SRGAP3: variants seen among roughly 807,000 people sequenced by gnomAD.
The protein encoded by SRGAP3 is SLIT-ROBO Rho GTPase-activating protein 3.
In SRGAP3, 39 loss-of-function variants were observed where a neutral mutation model predicts 121.1. That is an observed-to-expected ratio of 0.32 (90% confidence interval 0.25 to 0.42). The LOEUF is 0.42. Among genes scored for constraint, SRGAP3 ranks in the 10% least tolerant of loss-of-function variants. SRGAP3 has a pLI of 1.00. For missense variants in SRGAP3, 1,213 were observed against 1,470.6 expected (o/e 0.82, Z 2.86); for synonymous variants, 601 against 570.0 (o/e 1.05, Z -0.77).
At chr3:8,993,123 T>C in intron 19 of SRGAP3, 68 bp from the exon 20 acceptor site, 1 of 1,602,806 alleles carries the variant, frequency 6.2e-7, no homozygotes, top group Non-Finnish European at 8.5e-7. Flanking sequence ...CAGAGCTCCC[T>C]GATATGTGTC....
In SRGAP3 at chr3:9,104,861, C is replaced by A. The variant is rs748793173; in HGVS notation, c.261-19G>T. On this transcript the variant is annotated intron_variant, in intron 2 of 21. Coordinates refer to ENST00000383836, the MANE Select transcript of SRGAP3 (RefSeq NM_014850.4). ...GTCCTTCCTGTGGAAACCAAGAAAG[C>A]TCAGGTTGGCTACATTGGAACTGTC... is the stretch of plus-strand genomic sequence containing the variant. The A allele has an allele frequency of 6.2e-7, 1 of 1,614,054 alleles. No individual in the cohort carries two copies. Among genetic ancestry groups the A allele is most frequent in the South Asian group, 1.1e-5 (1 of 91,054 alleles).
intron 3 of SRGAP3, among the ~76,000 whole-genome samples, chr3:9,084,260 C>T (rs1947364197): frequency 6.6e-6 from 1 of 152,140 alleles, no homozygotes; most frequent in Non-Finnish European, 1.5e-5. Context: ...GAATTCATTC[C>T]TCCAGGAGAG....
At chr3:9,139,787 G>A (rs769724064) in intron 1 of SRGAP3, among the ~76,000 whole-genome samples, 9 of 152,188 alleles carry the variant, frequency 5.9e-5, no homozygotes, top group South Asian at 2.1e-4. Flanking sequence ...ATAGAGTATC[G>A]TCTAAAAGGG....
intron 1 of SRGAP3, among the ~76,000 whole-genome samples, chr3:9,138,759 T>C (rs1320398600): frequency 1.3e-5 from 2 of 152,178 alleles, no homozygotes; most frequent in Non-Finnish European, 2.9e-5. Flanking sequence ...ATTTAAAAGA[T>C]TGCATGAAAT....
At position 8,992,948 on chromosome 3, in the gene SRGAP3, G is replaced by A. The variant is rs764808410; in HGVS notation, c.2516C>T (p.Thr839Met). 3.0e-5 allele frequency: 49 copies of A among 1,614,086 alleles called. No individual in the cohort carries two copies. The highest frequency in any genetic ancestry group is 8.9e-5 in the East Asian group (4 of 44,884). ...ASSKNDLQSP[T>M]EHISDYGFGG... The stretch of plus-strand genomic sequence containing the variant: ...AAAGCCGTAATCCGAGATGTGCTCC[G>A]TGGGGGACTGGAGGTCGTTTTTGGA... The change falls in exon 20 of 22, where the codon ACG (threonine) becomes ATG (methionine). Residue 839 changes from threonine (T) to methionine (M), a missense_variant. Transcript: ENST00000383836.
intron 11 of SRGAP3, 85 bp downstream of exon 11, chr3:9,037,978 C>T (rs1944840401): frequency 2.5e-6 from 4 of 1,569,220 alleles, no homozygotes; most frequent in Non-Finnish European, 3.5e-6. Context: ...CCCTGCTTCT[C>T]CAGCTCCTGG....
At chr3:9,334,583 C>A (rs1417286307) in intron 1 of SRGAP3, among the ~76,000 whole-genome samples, 1 of 152,080 alleles carries the variant, frequency 6.6e-6, no homozygotes, top group African/African-American at 2.4e-5. Flanking sequence ...ATGTACTAGT[C>A]ACTATATTAG....
chr3:9,091,081 CACACACACACAT>C (rs1947736113), intron 3 of SRGAP3, among the ~76,000 whole-genome samples: 1 of 151,812 alleles, frequency 6.6e-6, no homozygotes, highest in African/African-American at 2.4e-5. Context: ...AGACCTCTCA[CACACACACACAT>C]ACACACACAC....
At position 9,175,633 on chromosome 3, in the gene SRGAP3, G is replaced by A. The variant is rs530205602; in HGVS notation, c.68-50716C>T. Among the ~76,000 whole-genome samples, 4 of 152,292 alleles carry A rather than the reference G, an allele frequency of 2.6e-5. No individual in the cohort carries two copies. The South Asian group carries it at 6.2e-4, about 24-fold the overall frequency. On this transcript the variant is annotated intron_variant, in intron 1 of 21. Coordinates refer to ENST00000383836, the MANE Select transcript of SRGAP3 (RefSeq NM_014850.4). ...GGCAATGAGGATGCAGCTTTGTGCC[G>A]CATTCCTGGCACTCCTAGCACCACG... is the stretch of plus-strand genomic sequence containing the variant.
At chr3:9,063,830 A>C (rs547545900) in intron 5 of SRGAP3, among the ~76,000 whole-genome samples, 1 of 152,280 alleles carries the variant, frequency 6.6e-6, no homozygotes, top group South Asian at 2.1e-4. Flanking sequence ...CCAAAGCTAG[A>C]ATTCCTCCCA....
At chr3:9,315,056 T>C (rs1955320814) in intron 3 of SRGAP3, among the ~76,000 whole-genome samples, 1 of 152,194 alleles carries the variant, frequency 6.6e-6, no homozygotes, top group South Asian at 2.1e-4. Context: ...CAAAAAACTA[T>C]ACTGGTCAGG....
chr3:9,337,229 T>C (rs1436451571), intron 1 of SRGAP3, among the ~76,000 whole-genome samples: 1 of 152,206 alleles, frequency 6.6e-6, no homozygotes, highest in Non-Finnish European at 1.5e-5. Flanking sequence ...TTACTCAGTC[T>C]ACCAATTTAA....
At position 9,314,272 on chromosome 3, in the gene SRGAP3, C is replaced by T. The variant is rs116160242; in HGVS notation, n.442+11738G>A. Among the ~76,000 whole-genome samples the T allele has an allele frequency of 4.5e-3, 691 of 151,990 alleles. 8 individuals are homozygous for T. Among genetic ancestry groups the T allele is most frequent in the African/African-American group, 0.015 (627 of 41,464 alleles). On this transcript the variant is annotated intron_variant and non_coding_transcript_variant, in intron 3 of 3. Transcript: ENST00000490889. ...ACCACAACAGGGTGAGAAGATGTTC[C>T]AGGGCAGGTGTGGTGGCTCATGCCT...
intron 3 of SRGAP3, among the ~76,000 whole-genome samples, chr3:9,325,487 T>G (rs1360309448): frequency 6.6e-6 from 1 of 151,982 alleles, no homozygotes; most frequent in Non-Finnish European, 1.5e-5. Context: ...AGCATAACTT[T>G]CACATAAGAA....
chr3:9,136,052 G>A (rs911819514), intron 1 of SRGAP3, among the ~76,000 whole-genome samples: 3 of 152,230 alleles, frequency 2.0e-5, no homozygotes, highest in African/African-American at 7.2e-5. Context: ...TGTTTCCCAG[G>A]CGCCATCTCG....
chr3:9,273,452 T>C (rs1954517313), intron 3 of SRGAP3, among the ~76,000 whole-genome samples: 1 of 152,254 alleles, frequency 6.6e-6, no homozygotes, highest in African/African-American at 2.4e-5. Context: ...TCGTTTGTTT[T>C]TGTCATTGCT....
At chr3:9,017,250 T>C (rs1283265657) in intron 14 of SRGAP3, among the ~76,000 whole-genome samples, 1 of 152,328 alleles carries the variant, frequency 6.6e-6, no homozygotes, top group East Asian at 1.9e-4. Flanking sequence ...CATGAGTTCA[T>C]ACTGATGTTT....
chr3:9,126,516 G>C (rs902700793), intron 1 of SRGAP3, among the ~76,000 whole-genome samples: 3 of 152,106 alleles, frequency 2.0e-5, no homozygotes, highest in African/African-American at 7.2e-5. Context: ...TGGAGTCCCA[G>C]CTACTCTGGA....
At chr3:9,101,927 C>T (rs1165350123) in intron 3 of SRGAP3, among the ~76,000 whole-genome samples, 1 of 152,176 alleles carries the variant, frequency 6.6e-6, no homozygotes, top group Non-Finnish European at 1.5e-5. Context: ...AGAACAGACT[C>T]CACTGCAAAA....
Sources: allele counts gnomAD v4.1 joint callset (sites outside exome capture counted in the v4.1 genomes callset), GRCh38; gene constraint gnomAD v4.1.1; transcripts MANE v1.5; gene names NCBI Gene and HGNC (gene_info 2026-07-23, HGNC 2026-07-21).